Variants in ZBTB40 observed in about 807,000 individuals in gnomAD.
ZBTB40 encodes zinc finger and BTB domain containing 40.
A neutral mutation model predicts 117.5 loss-of-function variants in ZBTB40; 60 were observed. The observed-to-expected ratio is 0.51, with a 90% CI of 0.41 to 0.63. The LOEUF (loss-of-function observed/expected upper bound fraction) is 0.63. Among genes scored for constraint, ZBTB40 ranks in the 30% least tolerant of loss-of-function variants. The probability of loss-of-function intolerance (pLI) is 0.00; values close to 1 mark genes in which losing one functional copy is unlikely to be tolerated. For synonymous variants in ZBTB40, 525 were observed against 577.1 expected (o/e 0.91, Z 1.29); for missense variants, 1,287 against 1,498.5 (o/e 0.86, Z 2.33).
rs1397563819 is a variant in ZBTB40, at chr1:22,528,099, G to A, written c.*1703G>A. 6.5e-6 allele frequency: 1 copy of A among 152,796 alleles called. No homozygotes were observed. The highest frequency in any genetic ancestry group is 1.5e-5 in the Non-Finnish European group (1 of 68,054). The allele number at this position is 152,796 out of a possible 1,614,324, so 9.5% of individuals were successfully genotyped here. ...CAGAAGATGGTGCTCAAACCTTTAA[G>A]ACTTCATCTCCATGTGAAGGGCTCA... On this transcript the variant is annotated 3_prime_UTR_variant, in exon 18 of 18. Coordinates refer to ENST00000375647, the MANE Select transcript of ZBTB40 (RefSeq NM_014870.4).
intron 1 of ZBTB40, among the ~76,000 whole-genome samples, chr1:22,481,955 GA>G (rs982967340): frequency 2.0e-5 from 3 of 151,102 alleles, no homozygotes; most frequent in Admixed American, 2.0e-4. Context: ...ATTAAAACTA[GA>G]AAAAAATGTT....
At chr1:22,497,671 C>T (rs948577575) in intron 3 of ZBTB40, among the ~76,000 whole-genome samples, 1 of 152,160 alleles carries the variant, frequency 6.6e-6, no homozygotes, top group South Asian at 2.1e-4. Context: ...GTATTCAAAC[C>T]GGTATTGATT....
chr1:22,526,895 C>T lies in ZBTB40; in HGVS notation c.*499C>T, dbSNP rs556695403. 3 of 246,320 alleles carry T rather than the reference C, an allele frequency of 1.2e-5. No homozygotes were observed. The highest frequency in any genetic ancestry group is 6.7e-5 in the African/African-American group (3 of 44,798). The allele number at this position is 246,320 out of a possible 1,614,324, so 15.3% of individuals were successfully genotyped here. A position where few individuals can be genotyped will look rare whatever the true frequency, so the allele number is the denominator to read the frequency against. ...ACAATTCGGGGACCTTAGGCCCCTT[C>T]CTGAGGCACACTTGGCCCCTTCCTC... is the stretch of plus-strand genomic sequence containing the variant. On this transcript the variant is annotated 3_prime_UTR_variant, in exon 18 of 18. Coordinates refer to ENST00000375647, the MANE Select transcript of ZBTB40 (RefSeq NM_014870.4).
chr1:22,502,087 G>C (rs143483103), intron 4 of ZBTB40, among the ~76,000 whole-genome samples: 5 of 152,198 alleles, frequency 3.3e-5, no homozygotes, highest in African/African-American at 1.2e-4. Flanking sequence ...GCAGCTTTGT[G>C]TTTCGACAGA....
At chr1:22,524,159 C>CT in intron 16 of ZBTB40, 59 bp from the exon 17 acceptor site, 1 of 1,531,286 alleles carries the variant, frequency 6.5e-7, no homozygotes, top group South Asian at 1.1e-5. Flanking sequence ...CCTCATTTCT[C>CT]TCATTTTACC....
intron 1 of ZBTB40, among the ~76,000 whole-genome samples, chr1:22,473,766 A>G (rs1557491805): frequency 6.6e-6 from 1 of 152,158 alleles, no homozygotes; most frequent in Non-Finnish European, 1.5e-5. Context: ...GTAAGCTCTT[A>G]GAAGGGAGAA....
chr1:22,482,810 G>A (rs1638361354), intron 1 of ZBTB40, among the ~76,000 whole-genome samples: 2 of 152,246 alleles, frequency 1.3e-5, no homozygotes, highest in African/African-American at 2.4e-5. Flanking sequence ...GGTGGCTCAC[G>A]CCTGTAATCT....
intron 3 of ZBTB40, among the ~76,000 whole-genome samples, chr1:22,500,649 G>A (rs369574981): frequency 2.6e-5 from 4 of 152,160 alleles, no homozygotes; most frequent in Admixed American, 6.5e-5. Context: ...AAGTGCCACC[G>A]AAAGGTCAAG....
chr1:22,521,632 A>G lies in ZBTB40; in HGVS notation c.3185A>G (p.Lys1062Arg), dbSNP rs1170505988. The G allele has an allele frequency of 6.2e-6, 10 of 1,614,120 alleles. 1 individual carries two copies. The highest frequency in any genetic ancestry group is 1.6e-4 in the Middle Eastern group (1 of 6,084). The change falls in exon 15 of 18, where the codon AAG (lysine) becomes AGG (arginine). Residue 1062 changes from lysine (K) to arginine (R), a missense_variant. By Grantham distance (26) the Lys-to-Arg change is conservative. Around this residue, in one of 2 missense-constraint regions of ZBTB40, gnomAD observed 417 missense variants for 564.1 expected, o/e 0.74. Transcript: ENST00000375647. ...ACCTTCCCCAACACCATTGAGCACA[A>G]GAAGCACATCAAAGCAGAACATGCA... is the stretch of plus-strand genomic sequence containing the variant. ...DKTFPNTIEH[K>R]KHIKAEHADM...
chr1:22,457,515 G>C (rs1202718506), intron 1 of ZBTB40, among the ~76,000 whole-genome samples: 1 of 152,158 alleles, frequency 6.6e-6, no homozygotes, highest in Non-Finnish European at 1.5e-5. Context: ...CTGACCCCTG[G>C]AGGCGTTTGC....
At chr1:22,477,648 CAAAA>C (rs773354092) in intron 1 of ZBTB40, among the ~76,000 whole-genome samples, 1 of 66,746 alleles carries the variant, frequency 1.5e-5, no homozygotes, top group African/African-American at 5.9e-5. Context: ...GACTCTGTCT[CAAAA>C]AAAAAAAAAA....
rs767913519 is a variant in ZBTB40 at position 22,433,432 on chromosome 1, C to CAAAAA, written c.-70+4439_-70+4443dup. Among the ~76,000 whole-genome samples the CAAAAA allele has an allele frequency of 4.6e-3, 40 of 8,762 alleles. 9 individuals carry two copies. Among genetic ancestry groups the CAAAAA allele is most frequent in the South Asian group, 0.024 (3 of 126 alleles). The allele number at this position is 8,762 out of a possible 152,430, so 5.7% of individuals were successfully genotyped here. On this transcript the variant is annotated intron_variant, in intron 1 of 8. Transcript: ENST00000650433. ...TGGGCGACAGAGCAAGACGCCCTCTCAAAAAAAAAAAAAAAAAAAAAAAAA... is the reference window on the plus strand; with the variant it reads ...TGGGCGACAGAGCAAGACGCCCTCTCAAAAAAAAAAAAAAAAAAAAAAAAAAAAAA...
intron 1 of ZBTB40, among the ~76,000 whole-genome samples, chr1:22,470,629 A>G (rs1641379345): frequency 6.6e-6 from 1 of 152,216 alleles, no homozygotes; most frequent in South Asian, 2.1e-4. Flanking sequence ...AAAGAGACTG[A>G]AAAATTAGCA....
Position 22,508,551 on chromosome 1 carries a change from C to T in ZBTB40, c.1519C>T (p.Arg507Cys), listed in dbSNP as rs201734826. Residue 507 changes from arginine (R) to cysteine (C), a missense_variant, in exon 8 of 18, where the codon CGT becomes TGT. Around this residue, in one of 2 missense-constraint regions of ZBTB40, gnomAD observed 870 missense variants for 934.4 expected, o/e 0.93. Coordinates refer to ENST00000375647, the MANE Select transcript of ZBTB40 (RefSeq NM_014870.4). Reference protein sequence around the residue: ...EREVMEKLVKRDSGSGGFNSL... With the variant: ...EREVMEKLVKCDSGSGGFNSL... Reference sequence around the variant, plus strand: ...GAAGGTCATGGAGAAGCTTGTGAAACGTGACTCTGGTTCAGGTGGTTTCAA... The same window carrying T: ...GAAGGTCATGGAGAAGCTTGTGAAATGTGACTCTGGTTCAGGTGGTTTCAA... 16 of 1,614,164 alleles carry T rather than the reference C, an allele frequency of 9.9e-6. No individual in the cohort carries two copies. The highest frequency in any genetic ancestry group is 6.7e-5 in the African/African-American group (5 of 75,040).
chr1:22,482,985 A>G (rs930029611), intron 1 of ZBTB40, among the ~76,000 whole-genome samples: 7 of 151,640 alleles, frequency 4.6e-5, no homozygotes, highest in Admixed American at 2.6e-4. Context: ...AGGCTGAGGC[A>G]GGAGAATGGT....
chr1:22,463,020 A>G (rs1569780428), intron 1 of ZBTB40, among the ~76,000 whole-genome samples: 1 of 152,224 alleles, frequency 6.6e-6, no homozygotes, highest in East Asian at 1.9e-4. Flanking sequence ...TAACAGTGTT[A>G]CAGGAACTGC....
chr1:22,521,967 A>T (rs1016376400), intron 15 of ZBTB40, among the ~76,000 whole-genome samples: 29 of 152,172 alleles, frequency 1.9e-4, no homozygotes, highest in African/African-American at 7.0e-4. Context: ...TGATTCCAGC[A>T]CTTATCAGCT....
chr1:22,456,129 A>T (rs1233860797), intron 1 of ZBTB40, among the ~76,000 whole-genome samples: 2 of 152,150 alleles, frequency 1.3e-5, no homozygotes, highest in Admixed American at 1.3e-4. Flanking sequence ...TAATGTGGAG[A>T]AAGCAAGCTA....
At chr1:22,501,012 G>T (rs1405200806) in intron 3 of ZBTB40, among the ~76,000 whole-genome samples, 1 of 152,168 alleles carries the variant, frequency 6.6e-6, no homozygotes, top group Admixed American at 6.5e-5. Context: ...TAAAATGCCA[G>T]ATTCAGAAAG....
Sources: allele counts gnomAD v4.1 joint callset (sites outside exome capture counted in the v4.1 genomes callset), GRCh38; gene constraint gnomAD v4.1.1; regional missense constraint gnomAD v4.1.1; transcripts MANE v1.5; gene names NCBI Gene and HGNC (gene_info 2026-07-23, HGNC 2026-07-21).